Variants in PAPSS1 observed in about 807,000 individuals in gnomAD.
PAPSS1 encodes the protein 3'-phosphoadenosine 5'-phosphosulfate synthase 1, also known as bifunctional 3'-phosphoadenosine 5'-phosphosulfate synthase 1.
PAPSS1 carries 50 observed loss-of-function variants against 72.0 expected under a neutral mutation model. The observed-to-expected ratio is 0.69, with a 90% CI of 0.55 to 0.88. The LOEUF is 0.88. Among genes scored for constraint, PAPSS1 ranks in the 40% least tolerant of loss-of-function variants. The probability of loss-of-function intolerance (pLI) is 0.00; values close to 1 mark genes in which losing one functional copy is unlikely to be tolerated. For synonymous variants in PAPSS1, 261 were observed against 263.6 expected, an observed-to-expected ratio of 0.99 and a Z score of 0.09; for missense variants, 657 against 782.2, an observed-to-expected ratio of 0.84 and a Z score of 1.91.
chr4:107,682,043 T>A lies in PAPSS1; in HGVS notation c.641A>T (p.Gln214Leu), dbSNP rs748535214. Residue 214 changes from glutamine (Q) to leucine (L), a missense_variant, in exon 5 of 12, where the codon CAG becomes CTG. Physicochemically the swap from Gln to Leu is moderately radical, Grantham distance 113 (BLOSUM62 -2). Around this residue, in one of 7 missense-constraint regions of PAPSS1, gnomAD observed 28 missense variants for 60.8 expected, o/e 0.46. Coordinates refer to ENST00000265174, the MANE Select transcript of PAPSS1 (RefSeq NM_005443.5). ...TDSCDVNDCVQQVVELLQERD... is the reference protein window; with the variant it reads ...TDSCDVNDCVLQVVELLQERD... The stretch of plus-strand genomic sequence containing the variant: ...TTCCTGTAGAAGTTCCACAACTTGC[T>A]GGACACAGTCATTTACATCACAGGA... The A allele has an allele frequency of 6.2e-7, 1 of 1,602,004 alleles. No homozygotes were observed. Among genetic ancestry groups the A allele is most frequent in the South Asian group, 1.1e-5 (1 of 90,308 alleles).
intron 7 of PAPSS1, 40 bp from the exon 8 acceptor site, chr4:107,654,940 T>C (rs746810292): frequency 1.4e-6 from 2 of 1,469,634 alleles, no homozygotes; most frequent in African/African-American, 2.8e-5. Context: ...CAGCTTGAAT[T>C]ACTCAACACG....
chr4:107,703,582 C>A (rs769273823), intron 1 of PAPSS1, among the ~76,000 whole-genome samples: 4 of 152,100 alleles, frequency 2.6e-5, no homozygotes, highest in Non-Finnish European at 5.9e-5. Flanking sequence ...ACGCAGATAT[C>A]CAGTTTTCCC....
intron 1 of PAPSS1, among the ~76,000 whole-genome samples, chr4:107,709,615 G>A (rs757368147): frequency 1.3e-5 from 2 of 152,120 alleles, no homozygotes; most frequent in Non-Finnish European, 2.9e-5. Flanking sequence ...CGCTATTGTA[G>A]AACCTAAGAT....
intron 5 of PAPSS1, among the ~76,000 whole-genome samples, chr4:107,672,657 CA>C (rs1727518609): frequency 6.6e-6 from 1 of 152,220 alleles, no homozygotes; most frequent in South Asian, 2.1e-4. Flanking sequence ...CATAGCCAAA[CA>C]AAAGGCAGCA....
At chr4:107,633,703 A>T (rs995791966) in intron 10 of PAPSS1, among the ~76,000 whole-genome samples, 9 of 151,942 alleles carry the variant, frequency 5.9e-5, no homozygotes, top group Non-Finnish European at 1.0e-4. Context: ...GCAGATCACG[A>T]GGTCAGGAGA....
chr4:107,656,593 C>G (rs1727017066), intron 7 of PAPSS1, among the ~76,000 whole-genome samples: 2 of 152,212 alleles, frequency 1.3e-5, no homozygotes, highest in African/African-American at 4.8e-5. Flanking sequence ...TGGGAAGCAG[C>G]TTTCCACAGT....
At chr4:107,654,391 G>A (rs113561526) in intron 8 of PAPSS1, among the ~76,000 whole-genome samples, 262 of 152,260 alleles carry the variant, frequency 1.7e-3, no homozygotes, top group African/African-American at 6.0e-3. Context: ...AGCACACGAC[G>A]AGATTGTATA....
At chr4:107,680,851 G>A (rs1474466339) in intron 5 of PAPSS1, among the ~76,000 whole-genome samples, 2 of 152,148 alleles carry the variant, frequency 1.3e-5, no homozygotes, top group African/African-American at 4.8e-5. Context: ...AACCTCCTGG[G>A]ATGTCTCAGT....
intron 5 of PAPSS1, among the ~76,000 whole-genome samples, chr4:107,661,939 C>T (rs1283792374): frequency 6.6e-6 from 1 of 152,196 alleles, no homozygotes; most frequent in Non-Finnish European, 1.5e-5. Context: ...CTCCTACTTT[C>T]TCACACACCC....
Position 107,614,287 on chromosome 4 carries a change from C to T in PAPSS1, c.1837G>A (p.Val613Met), listed in dbSNP as rs373727276. Residue 613 changes from valine (V) to methionine (M), a missense_variant, in exon 12 of 12, where the codon GTG becomes ATG. Around this residue, in one of 7 missense-constraint regions of PAPSS1, gnomAD observed 103 missense variants for 93.8 expected, o/e 1.10. Coordinates refer to ENST00000265174, the MANE Select transcript of PAPSS1 (RefSeq NM_005443.5). Reference sequence around the variant, plus strand: ...AAGGATTTGTAGTATTCTGTCAGCACGGTCCAAGCCTTGGGAGCCATGAAA... The same window carrying T: ...AAGGATTTGTAGTATTCTGTCAGCATGGTCCAAGCCTTGGGAGCCATGAAA... ...EGFMAPKAWT[V>M]LTEYYKSLEK... The T allele has an allele frequency of 8.7e-6, 14 of 1,613,772 alleles. No individual in the cohort carries two copies. Among genetic ancestry groups the T allele is most frequent in the South Asian group, 3.3e-5 (3 of 91,058 alleles).
At chr4:107,653,402 C>T (rs986713008) in intron 9 of PAPSS1, 89 bp downstream of exon 9, 12 of 1,247,270 alleles carry the variant, frequency 9.6e-6, no homozygotes, top group Admixed American at 4.3e-5. Flanking sequence ...CTGTACTCAT[C>T]GTTTTACATT....
intron 7 of PAPSS1, among the ~76,000 whole-genome samples, chr4:107,656,692 T>C (rs946947686): frequency 5.9e-5 from 9 of 152,114 alleles, no homozygotes; most frequent in African/African-American, 1.4e-4. Flanking sequence ...CTCTTTGCAA[T>C]AAATAAGAGT....
intron 3 of PAPSS1, among the ~76,000 whole-genome samples, chr4:107,690,683 T>C (rs967937876): frequency 1.3e-5 from 2 of 152,222 alleles, no homozygotes; most frequent in African/African-American, 4.8e-5. Flanking sequence ...AAAATACACA[T>C]GTCCTGTATT....
chr4:107,679,891 CA>C (rs562624301), intron 5 of PAPSS1, among the ~76,000 whole-genome samples: 64 of 150,746 alleles, frequency 4.2e-4, no homozygotes, highest in African/African-American at 1.3e-3. Context: ...TGAATACTAT[CA>C]AAAAAAAGTC....
At chr4:107,653,450 T>C in intron 9 of PAPSS1, 41 bp downstream of exon 9, 1 of 1,578,866 alleles carries the variant, frequency 6.3e-7, no homozygotes, top group South Asian at 1.2e-5. Context: ...GAACTTTCTC[T>C]CCAAGCCGGC....
chr4:107,626,344 C>T (rs1480355301), intron 11 of PAPSS1, among the ~76,000 whole-genome samples: 1 of 152,124 alleles, frequency 6.6e-6, no homozygotes, highest in African/African-American at 2.4e-5. Context: ...TTTGAGTTTA[C>T]TATTTCACTA....
chr4:107,636,804 G>A (rs1443751408), intron 10 of PAPSS1, among the ~76,000 whole-genome samples: 4 of 152,140 alleles, frequency 2.6e-5, no homozygotes, highest in African/African-American at 4.8e-5. Flanking sequence ...ATGGAAGGCA[G>A]AACATGGGCT....
At chr4:107,719,808 A>G in intron 1 of PAPSS1, 1 of 1,217,694 alleles carries the variant, frequency 8.2e-7, no homozygotes, top group East Asian at 4.5e-5. Flanking sequence ...AGCAAGCGCC[A>G]GTTCACGGGT....
chr4:107,704,776 C>T (rs1363181012), intron 1 of PAPSS1, among the ~76,000 whole-genome samples: 1 of 152,060 alleles, frequency 6.6e-6, no homozygotes, highest in Non-Finnish European at 1.5e-5. Flanking sequence ...TGTGGAGAAA[C>T]CCCGTCTCTA....
Sources: allele counts gnomAD v4.1 joint callset (sites outside exome capture counted in the v4.1 genomes callset), GRCh38; gene constraint gnomAD v4.1.1; regional missense constraint gnomAD v4.1.1; transcripts MANE v1.5; gene names NCBI Gene and HGNC (gene_info 2026-07-23, HGNC 2026-07-21).